Variants in SAMD7 observed in about 807,000 individuals in gnomAD.
The protein encoded by SAMD7 is sterile alpha motif domain-containing protein 7.
Under a neutral mutation model 36.7 loss-of-function variants are expected in SAMD7, and 34 were observed. The observed-to-expected ratio is 0.93, with a 90% CI of 0.71 to 1.23. SAMD7 has a LOEUF of 1.23. Ranked by LOEUF, SAMD7 falls within the 50% of genes most tolerant of loss-of-function variation. The probability of loss-of-function intolerance (pLI) is 0.00; values close to 1 mark genes in which losing one functional copy is unlikely to be tolerated. For missense variants in SAMD7, 570 were observed against 546.6 expected, an observed-to-expected ratio of 1.04 and a Z score of -0.43; for synonymous variants, 188 against 189.7, an observed-to-expected ratio of 0.99 and a Z score of 0.07.
chr3:169,932,399 A>G (rs916233373), intron 7 of SAMD7: 2 of 636,156 alleles, frequency 3.1e-6, no homozygotes, highest in African/African-American at 3.6e-5. Flanking sequence ...AGCCGAGACT[A>G]TGTAGTGGAA....
chr3:169,919,029 G>A (rs1248091536), intron 2 of SAMD7, among the ~76,000 whole-genome samples: 3 of 151,962 alleles, frequency 2.0e-5, no homozygotes, highest in Non-Finnish European at 4.4e-5. Flanking sequence ...GCCTGTAATC[G>A]CAGCTACTCT....
rs201381719 is a variant in SAMD7, at chr3:169,928,416, C to A, written c.920-41C>A. Reference sequence around the variant, plus strand: ...GGAAATTAATGTAACTATACATAAACCTGTATGTATTTTATGCCACAATTT... The same window carrying A: ...GGAAATTAATGTAACTATACATAAAACTGTATGTATTTTATGCCACAATTT... On this transcript the variant is annotated intron_variant, in intron 6 of 8. Coordinates refer to ENST00000335556, the MANE Select transcript of SAMD7 (RefSeq NM_001304366.2). 309 of 1,548,872 alleles carry A rather than the reference C, an allele frequency of 2.0e-4. 1 individual carries two copies. Among genetic ancestry groups the A allele is most frequent in the East Asian group, 4.9e-4 (22 of 44,502 alleles).
Position 169,938,347 on chromosome 3 carries a change from C to A in SAMD7, c.1182C>A (p.Tyr394Ter). 1 of 1,610,530 alleles carries A rather than the reference C, an allele frequency of 6.2e-7. No individual in the cohort carries two copies. The highest frequency in any genetic ancestry group is 8.5e-7 in the Non-Finnish European group (1 of 1,177,422). The change falls in exon 9 of 9, where the codon TAC (tyrosine) becomes TAA (stop). Residue 394 changes from tyrosine to a stop codon, truncating the protein, a stop_gained. Coordinates refer to ENST00000335556, the MANE Select transcript of SAMD7 (RefSeq NM_001304366.2). LOFTEE classifies it low-confidence loss of function (END_TRUNC). ...CTCAGCATGTGGGAAGTATGTTCTA[C>A]AAGAAAACTCTTTCATTTCCTATAA... is the stretch of plus-strand genomic sequence containing the variant. Reference protein sequence around the residue: ...QVSQHVGSMFYKKTLSFPIRQ... With the variant: ...QVSQHVGSMF
chr3:169,934,518 G>A (rs549065240), intron 7 of SAMD7, among the ~76,000 whole-genome samples: 2 of 152,172 alleles, frequency 1.3e-5, no homozygotes, highest in African/African-American at 4.8e-5. Flanking sequence ...GGCACTGAAG[G>A]GGGTAGGAAA....
At chr3:169,935,812 C>A (rs1713694905) in intron 7 of SAMD7, among the ~76,000 whole-genome samples, 1 of 152,182 alleles carries the variant, frequency 6.6e-6, no homozygotes, top group African/African-American at 2.4e-5. Flanking sequence ...AGTTTCAGGA[C>A]TAACAGACCT....
intron 1 of SAMD7, among the ~76,000 whole-genome samples, chr3:169,914,305 G>A (rs1355914986): frequency 6.6e-6 from 1 of 152,184 alleles, no homozygotes; most frequent in African/African-American, 2.4e-5. Flanking sequence ...TGAGGTATGT[G>A]CATGAAAACA....
chr3:169,916,404 G>A (rs1559947577), intron 2 of SAMD7, among the ~76,000 whole-genome samples: 1 of 152,170 alleles, frequency 6.6e-6, no homozygotes, highest in Non-Finnish European at 1.5e-5. Context: ...CCAGTGCTAT[G>A]GGAGGCTGAG....
chr3:169,925,448 C>T (rs888770295), intron 5 of SAMD7, among the ~76,000 whole-genome samples: 11 of 152,012 alleles, frequency 7.2e-5, no homozygotes, highest in Non-Finnish European at 1.2e-4. Context: ...AAATCACGGC[C>T]GGGCACAGTG....
intron 7 of SAMD7, chr3:169,932,237 A>G (rs2108264825): frequency 1.2e-6 from 1 of 850,716 alleles, no homozygotes; most frequent in Non-Finnish European, 2.0e-6. Context: ...CAGGAAGTGT[A>G]CTGTGAAGAG....
At position 169,921,343 on chromosome 3, in the gene SAMD7, G is replaced by A. The variant is rs1559949577; in HGVS notation, c.211+5G>A. On this transcript the variant is annotated splice_donor_5th_base_variant and intron_variant, in intron 4 of 8. Transcript: ENST00000335556. ...TGTCCAGTCGGATCTACCCAGGTAT[G>A]AGCAATAGAAGTTTGGCTCTCATCT... The A allele has an allele frequency of 1.2e-6, 2 of 1,612,984 alleles. No homozygotes were observed. Among genetic ancestry groups the A allele is most frequent in the Non-Finnish European group, 8.5e-7 (1 of 1,179,100 alleles).
intron 4 of SAMD7, 151 bp from the exon 5 acceptor site, chr3:169,924,907 T>G (rs774893644): frequency 4.7e-5 from 26 of 553,536 alleles, no homozygotes; most frequent in Non-Finnish European, 6.8e-5. Context: ...CGAACTGCAA[T>G]GATCTGATAC....
intron 4 of SAMD7, among the ~76,000 whole-genome samples, chr3:169,921,659 C>A (rs1383610992): frequency 6.6e-6 from 1 of 152,172 alleles, no homozygotes; most frequent in African/African-American, 2.4e-5. Flanking sequence ...GGGCTTAAGG[C>A]AGTTTACATG....
At chr3:169,930,841 A>G (rs1473378704) in intron 7 of SAMD7, among the ~76,000 whole-genome samples, 2 of 151,896 alleles carry the variant, frequency 1.3e-5, no homozygotes, top group Non-Finnish European at 2.9e-5. Context: ...TCGGCCTCCC[A>G]AAGTGCTGGG....
At position 169,927,060 on chromosome 3, in the gene SAMD7, C is replaced by A; in HGVS notation, c.798C>A (p.His266Gln). Reference protein sequence around the residue: ...EPTHRKPWGSHTTTLKAKAWD... With the variant: ...EPTHRKPWGSQTTTLKAKAWD... ...CCCATAGGAAACCCTGGGGGTCTCA[C>A]ACCACTACCCTGAAAGCAAAGGCCT... Residue 266 changes from histidine (H) to glutamine (Q), a missense_variant, in exon 6 of 9, where the codon CAC becomes CAA. Coordinates refer to ENST00000335556, the MANE Select transcript of SAMD7 (RefSeq NM_001304366.2). 1 of 1,611,614 alleles carries A rather than the reference C, an allele frequency of 6.2e-7. No homozygotes were observed. The highest frequency in any genetic ancestry group is 8.5e-7 in the Non-Finnish European group (1 of 1,179,314).
chr3:169,926,733 C>T lies in SAMD7; in HGVS notation c.471C>T (p.Leu157=). The T allele has an allele frequency of 6.2e-7, 1 of 1,614,042 alleles. No homozygotes were observed. Among genetic ancestry groups the T allele is most frequent in the South Asian group, 1.1e-5 (1 of 91,078 alleles). ...AGDLHFHRST[L]RNLQGNPMLA... is the part of the protein sequence containing the mutation. ...ACCTGCATTTTCACAGAAGCACCCTCAGAAACCTTCAGGGAAACCCCATGC... is the reference window on the plus strand; with the variant it reads ...ACCTGCATTTTCACAGAAGCACCCTTAGAAACCTTCAGGGAAACCCCATGC... The change falls in exon 6 of 9, where the codon CTC becomes CTT. Residue 157 remains leucine, a synonymous_variant. Transcript: ENST00000335556.
At chr3:169,936,596 G>C in intron 8 of SAMD7, 147 bp downstream of exon 8, 1 of 575,868 alleles carries the variant, frequency 1.7e-6, no homozygotes, top group Non-Finnish European at 3.1e-6. Flanking sequence ...TAGAAGTGAG[G>C]GACCCTGAAA....
chr3:169,930,634 C>T (rs190531473), intron 7 of SAMD7, among the ~76,000 whole-genome samples: 11 of 139,120 alleles, frequency 7.9e-5, no homozygotes, highest in Admixed American at 1.6e-4. Flanking sequence ...CAGGCTGGAG[C>T]GCAGTGGCAT....
chr3:169,922,964 T>C (rs1211133270), intron 4 of SAMD7, among the ~76,000 whole-genome samples: 7 of 152,260 alleles, frequency 4.6e-5, no homozygotes. Flanking sequence ...GAGATTTTGA[T>C]GTGAGCAATT....
intron 6 of SAMD7, among the ~76,000 whole-genome samples, chr3:169,927,461 A>AT (rs1172091538): frequency 1.3e-5 from 2 of 151,312 alleles, no homozygotes; most frequent in East Asian, 1.9e-4. Context: ...CGCCCGGCTA[A>AT]TTTTTTTGTA....
Sources: gnomAD v4.1 joint callset for allele counts (sites outside exome capture counted in the v4.1 genomes callset) on GRCh38, gnomAD v4.1.1 for gene constraint, MANE v1.5 for transcripts, NCBI Gene and HGNC (gene_info 2026-07-23, HGNC 2026-07-21) for gene names.